The following RIMBP2 variants were observed in gnomAD, a reference collection of about 807,000 sequenced individuals.
RIMBP2 encodes the protein RIMS-binding protein 2.
In RIMBP2, 48 loss-of-function variants were observed where a neutral mutation model predicts 118.6. That is an observed-to-expected ratio of 0.40 (90% confidence interval 0.32 to 0.51). RIMBP2 has a LOEUF of 0.51. Among genes scored for constraint, RIMBP2 ranks in the 20% least tolerant of loss-of-function variants. RIMBP2 has a pLI of 0.41. For synonymous variants in RIMBP2, 762 were observed against 742.9 expected (o/e 1.03, Z -0.42); for missense variants, 1,551 against 1,768.3 (o/e 0.88, Z 2.20).
rs2076630156 is a variant in RIMBP2, at chr12:130,424,406, C to T, written c.2865G>A (p.Arg955=). ...GCGTCCGCCGCCGGGCCAGCAGCGG[C>T]CTCGGGCCCCTCCTGCAGGGACAGT... The part of the protein sequence containing the change: ...PGHCPCRRGP[R]PLLARRRTLT... The change falls in exon 16 of 23, where the codon AGG becomes AGA. Residue 955 remains arginine, a synonymous_variant. Coordinates refer to ENST00000690449, the MANE Select transcript of RIMBP2 (RefSeq NM_001393629.1). This position sits in a 1 kb window ranked among gnomAD's most constrained non-coding sequence, Gnocchi z 9.8. The T allele has an allele frequency of 3.2e-6, 4 of 1,232,722 alleles. No individual in the cohort carries two copies. The highest frequency in any genetic ancestry group is 4.0e-6 in the Non-Finnish European group (4 of 988,214). The allele number at this position is 1,232,722 out of a possible 1,614,324, so 76.4% of individuals were successfully genotyped here.
chr12:130,668,593 T>C (rs1328034177), intron 1 of RIMBP2: 1 of 152,358 alleles, frequency 6.6e-6, no homozygotes. Flanking sequence ...TCGGGGGCCA[T>C]AGGCAGGTGA....
chr12:130,431,320 G>A lies in RIMBP2; in HGVS notation c.2254-2983C>T, dbSNP rs2077137304. On this transcript the variant is annotated intron_variant, in intron 14 of 22. Transcript: ENST00000690449. The surrounding 1 kb of genome is among the most constrained non-coding windows in gnomAD (Gnocchi z 4.0). ...CAGGGGGTAAGGGCTCATGTGACGG[G>A]GCGGGCAGCATGGGGAAGCGGATGG... The A allele has an allele frequency of 7.1e-6, 2 of 282,906 alleles. No individual in the cohort carries two copies. Among genetic ancestry groups the A allele is most frequent in the East Asian group, 1.1e-4 (1 of 9,486 alleles). 17.5% of individuals were successfully genotyped at this position (282,906 alleles called of 1,614,324 possible).
At chr12:130,609,860 CG>C (rs1443330073) in intron 2 of RIMBP2, among the ~76,000 whole-genome samples, 2 of 152,130 alleles carry the variant, frequency 1.3e-5, no homozygotes, top group African/African-American at 2.4e-5. Context: ...GCAGGACAGA[CG>C]GAAGTCCCAG....
intron 2 of RIMBP2, among the ~76,000 whole-genome samples, chr12:130,584,109 C>T (rs930550967): frequency 5.3e-5 from 8 of 151,420 alleles, no homozygotes; most frequent in African/African-American, 1.9e-4. Flanking sequence ...ACCATTACAT[C>T]ACCACTATCA....
chr12:130,479,558 C>T (rs1472061561), intron 4 of RIMBP2, among the ~76,000 whole-genome samples: 2 of 151,852 alleles, frequency 1.3e-5, no homozygotes, highest in East Asian at 2.0e-4. Flanking sequence ...GGGAAGTGGA[C>T]GCCTGTTCAG....
intron 1 of RIMBP2, among the ~76,000 whole-genome samples, chr12:130,681,447 TA>T (rs1382241463): frequency 6.6e-6 from 1 of 152,152 alleles, no homozygotes; most frequent in African/African-American, 2.4e-5. Flanking sequence ...TTTATCACTC[TA>T]AACAGAATCT....
At position 130,442,339 on chromosome 12, in the gene RIMBP2, G is replaced by A. The variant is rs759346612; in HGVS notation, c.1013C>T (p.Ala338Val). The A allele has an allele frequency of 4.5e-5, 73 of 1,614,086 alleles. No individual in the cohort carries two copies. Among genetic ancestry groups the A allele is most frequent in the South Asian group, 1.3e-4 (12 of 91,090 alleles). ...CACCGTTCCCCATCCTGGTGGCACC[G>A]CCGGGGGCTCCCAGCCCACAATAAC... ...KSVIVGWEPP[A>V]VPPGWGTVSS... Residue 338 changes from alanine to valine, a missense_variant, in exon 11 of 23, where the codon GCG (alanine) becomes GTG (valine). Ala to Val is a moderately conservative substitution (Grantham distance 64). Around this residue, in one of 5 missense-constraint regions of RIMBP2, gnomAD observed 265 missense variants for 349.5 expected, o/e 0.76. Transcript: ENST00000690449. The surrounding 1 kb of genome is among the most constrained non-coding windows in gnomAD (Gnocchi z 6.9).
intron 1 of RIMBP2, among the ~76,000 whole-genome samples, chr12:130,636,059 A>G (rs191815343): frequency 6.6e-6 from 1 of 152,146 alleles, no homozygotes; most frequent in East Asian, 1.9e-4. Flanking sequence ...ATCTCTTGCC[A>G]CCACCCTCCA....
chr12:130,562,768 G>A (rs1415024839), intron 2 of RIMBP2, among the ~76,000 whole-genome samples: 7 of 152,180 alleles, frequency 4.6e-5, no homozygotes, highest in Non-Finnish European at 8.8e-5. Context: ...CTGTTTGGCA[G>A]GAATAAATGA....
At chr12:130,614,449 C>A (rs1342967388) in intron 2 of RIMBP2, among the ~76,000 whole-genome samples, 2 of 152,136 alleles carry the variant, frequency 1.3e-5, no homozygotes, top group African/African-American at 4.8e-5. Context: ...ACAGACAGCG[C>A]TGGGGTATAA....
intron 4 of RIMBP2, among the ~76,000 whole-genome samples, chr12:130,479,221 C>G (rs1330854233): frequency 6.6e-6 from 1 of 152,232 alleles, no homozygotes; most frequent in African/African-American, 2.4e-5. Context: ...CATAAACAAG[C>G]CCCCCACCTG....
At chr12:130,712,048 T>C (rs918882469) in intron 1 of RIMBP2, among the ~76,000 whole-genome samples, 3 of 152,228 alleles carry the variant, frequency 2.0e-5, no homozygotes, top group Non-Finnish European at 4.4e-5. Context: ...TAAAGCATGG[T>C]GCACCTGTAT....
At chr12:130,665,298 G>C (rs1022951740) in intron 1 of RIMBP2, among the ~76,000 whole-genome samples, 8 of 151,558 alleles carry the variant, frequency 5.3e-5, no homozygotes, top group Admixed American at 3.3e-4. Flanking sequence ...GCCGAGGTGG[G>C]TGGATCACTT....
At chr12:130,584,655 C>CACAACCATTACATCATCACT (rs2058751392) in intron 2 of RIMBP2, among the ~76,000 whole-genome samples, 1 of 81,140 alleles carries the variant, frequency 1.2e-5, no homozygotes, top group African/African-American at 5.6e-5. Context: ...ACCATCACCT[C>CACAACCATTACATCATCACT]ATCACAACCA....
Position 130,456,653 on chromosome 12 carries a change from C to A in RIMBP2, c.201G>T (p.Gln67His). The change falls in exon 7 of 23, where the codon CAG becomes CAT. Residue 67 changes from glutamine (Q) to histidine (H), a missense_variant. Gln to His is a conservative substitution (Grantham distance 24, BLOSUM62 0). Transcript: ENST00000690449. ...CCAGGTCCCGGGACAGCAGGTTGAA[C>A]TGCTCACTTTGAGTCCGGCATTTCT... Reference protein sequence around the residue: ...LEEKCRTQSEQFNLLSRDLEK... With the variant: ...LEEKCRTQSEHFNLLSRDLEK... The A allele has an allele frequency of 6.2e-7, 1 of 1,612,824 alleles. No homozygotes were observed. The highest frequency in any genetic ancestry group is 8.5e-7 in the Non-Finnish European group (1 of 1,179,254).
In RIMBP2 at chr12:130,532,650, C is replaced by T. The variant is rs1398511242; in HGVS notation, c.-216-14733G>A. Among the ~76,000 whole-genome samples, 5 of 134,330 alleles carry T rather than the reference C, an allele frequency of 3.7e-5. 1 individual carries two copies. Among genetic ancestry groups the T allele is most frequent in the African/African-American group, 1.4e-4 (5 of 36,750 alleles). 88.1% of individuals were successfully genotyped at this position (134,330 alleles called of 152,430 possible). ...TCTAGGAGGTACGTCTAATGAGATG[C>T]ATGTGTTCAGCCTCTAGGAGGGACG... is the stretch of plus-strand genomic sequence containing the variant. On this transcript the variant is annotated intron_variant, in intron 2 of 22. Transcript: ENST00000690449.
intron 1 of RIMBP2, among the ~76,000 whole-genome samples, chr12:130,680,739 G>A (rs751092629): frequency 3.2e-4 from 49 of 152,186 alleles, no homozygotes; most frequent in South Asian, 4.1e-4. Flanking sequence ...ATTGCTGAAC[G>A]TCCTACAGTG....
At chr12:130,489,937 A>G (rs776330170) in intron 4 of RIMBP2, among the ~76,000 whole-genome samples, 5 of 152,132 alleles carry the variant, frequency 3.3e-5, no homozygotes, top group African/African-American at 4.8e-5. Flanking sequence ...CATCCTGGCC[A>G]ACATGGTGAA....
chr12:130,545,377 A>G (rs1284744114), intron 2 of RIMBP2, among the ~76,000 whole-genome samples: 1 of 151,566 alleles, frequency 6.6e-6, no homozygotes, highest in Non-Finnish European at 1.5e-5. Flanking sequence ...TTCAAGATTC[A>G]ATGCCAAAAA....
Sources: gnomAD v4.1 joint callset for allele counts (sites outside exome capture counted in the v4.1 genomes callset) on GRCh38, gnomAD v4.1.1 for gene constraint, gnomAD v4.1.1 regional missense constraint, Gnocchi (gnomAD v3.1) non-coding constraint, MANE v1.5 for transcripts, NCBI Gene and HGNC (gene_info 2026-07-23, HGNC 2026-07-21) for gene names.